The following GUCY1A2 variants were observed in gnomAD, a reference collection of about 807,000 sequenced individuals.
The protein encoded by GUCY1A2 is guanylate cyclase soluble subunit alpha-2.
GUCY1A2 carries 27 observed loss-of-function variants against 63.5 expected under a neutral mutation model. That is an observed-to-expected ratio of 0.43 (90% CI 0.31 to 0.59). The LOEUF is 0.59. Ranked by LOEUF, GUCY1A2 falls within the 20% of genes least tolerant of loss-of-function variation. GUCY1A2 has a pLI of 0.11. For missense variants in GUCY1A2, 768 were observed against 913.3 expected (o/e 0.84, Z 2.05); for synonymous variants, 364 against 343.5 (o/e 1.06, Z -0.66).
At chr11:106,836,404 T>C (rs1470130157) in intron 4 of GUCY1A2, among the ~76,000 whole-genome samples, 2 of 152,010 alleles carry the variant, frequency 1.3e-5, no homozygotes, top group Non-Finnish European at 2.9e-5. Flanking sequence ...TATTTATCAA[T>C]ACCATAAGTT....
chr11:106,970,288 T>C (rs1047168691), intron 3 of GUCY1A2, among the ~76,000 whole-genome samples: 2 of 152,208 alleles, frequency 1.3e-5, no homozygotes, highest in African/African-American at 4.8e-5. Context: ...GAATAAATGC[T>C]GAATAACTTC....
intron 3 of GUCY1A2, among the ~76,000 whole-genome samples, chr11:106,946,674 C>T (rs977153082): frequency 3.3e-5 from 5 of 152,004 alleles, no homozygotes; most frequent in East Asian, 1.9e-4. Context: ...ACCTAAGAGA[C>T]ATAAACCAAG....
chr11:106,734,089 A>T (rs1197519403), intron 6 of GUCY1A2, among the ~76,000 whole-genome samples: 2 of 152,182 alleles, frequency 1.3e-5, no homozygotes, highest in African/African-American at 2.4e-5. Context: ...GCAAAGAAGA[A>T]AGAATGATTT....
At chr11:106,770,658 C>G (rs1013324886) in intron 6 of GUCY1A2, among the ~76,000 whole-genome samples, 3 of 151,232 alleles carry the variant, frequency 2.0e-5, no homozygotes, top group South Asian at 4.2e-4. Flanking sequence ...AAAGTTGAAG[C>G]TAAAAATTAA....
chr11:106,778,469 C>A (rs1396904432), intron 5 of GUCY1A2, among the ~76,000 whole-genome samples: 3 of 152,098 alleles, frequency 2.0e-5, no homozygotes, highest in Non-Finnish European at 4.4e-5. Context: ...ACCATCCTGG[C>A]TAACACGGTG....
At chr11:106,713,576 A>G (rs1365417512) in intron 6 of GUCY1A2, among the ~76,000 whole-genome samples, 5 of 130,492 alleles carry the variant, frequency 3.8e-5, no homozygotes, top group Non-Finnish European at 7.6e-5. Flanking sequence ...GCGCGATCTC[A>G]GCTCACTGCA....
At chr11:106,779,618 CCAT>C (rs1864423162) in intron 5 of GUCY1A2, among the ~76,000 whole-genome samples, 1 of 151,592 alleles carries the variant, frequency 6.6e-6, no homozygotes, top group African/African-American at 2.4e-5. Flanking sequence ...ATGTCTATCA[CCAT>C]CATCATCCTC....
At chr11:106,930,598 A>G (rs1860587540) in intron 4 of GUCY1A2, among the ~76,000 whole-genome samples, 1 of 152,242 alleles carries the variant, frequency 6.6e-6, no homozygotes, top group South Asian at 2.1e-4. Flanking sequence ...AAAAAGAAAG[A>G]TGCTGTAGCT....
At chr11:107,010,650 C>T (rs1158061845) in intron 1 of GUCY1A2, among the ~76,000 whole-genome samples, 1 of 151,396 alleles carries the variant, frequency 6.6e-6, no homozygotes, top group Non-Finnish European at 1.5e-5. Flanking sequence ...AAATATACCA[C>T]CAAAAAAAAA....
rs191693531 is a variant in GUCY1A2, at chr11:106,805,449, T to C, written c.1692+4544A>G. Among the ~76,000 whole-genome samples the C allele has an allele frequency of 5.7e-3, 871 of 152,172 alleles. 4 individuals are homozygous for C. The highest frequency in any genetic ancestry group is 7.5e-3 in the Non-Finnish European group (507 of 68,010). The stretch of plus-strand genomic sequence containing the variant: ...TTAGTAGAGACAGCGTTTCACCAGG[T>C]TGGCCAGGCTGGTCTCGAACTCCTG... On this transcript the variant is annotated intron_variant, in intron 5 of 7. Transcript: ENST00000526355.
Position 106,939,782 on chromosome 11 carries a change from T to G in GUCY1A2, c.884A>C (p.Glu295Ala). 2 of 1,614,034 alleles carry G rather than the reference T, an allele frequency of 1.2e-6. No individual in the cohort carries two copies. Among genetic ancestry groups the G allele is most frequent in the Non-Finnish European group, 1.7e-6 (2 of 1,179,896 alleles). ...CTTCATGATATTAGTATTTTCACAT[T>G]CTTTGATAAGGAAAGTAAGACAGCT... ...NCSCLTFLIK[E>A]CENTNIMKNL... Residue 295 changes from glutamate to alanine, a missense_variant, in exon 4 of 8, where the codon GAA becomes GCA. Coordinates refer to ENST00000526355, the MANE Select transcript of GUCY1A2 (RefSeq NM_000855.3).
At position 106,684,811 on chromosome 11, in the gene GUCY1A2, G is replaced by A. The variant is rs1395972312; in HGVS notation, c.*2738C>T. ...TATCTGCCATACTAAAATGCATGCT[G>A]TTGGTAATAGTTTGTAAGTAAGTGA... On this transcript the variant is annotated 3_prime_UTR_variant, in exon 8 of 8. Coordinates refer to ENST00000526355, the MANE Select transcript of GUCY1A2 (RefSeq NM_000855.3). The A allele has an allele frequency of 1.9e-5, 4 of 209,670 alleles. No individual in the cohort carries two copies. Among genetic ancestry groups the A allele is most frequent in the African/African-American group, 9.1e-5 (4 of 44,000 alleles). The allele number at this position is 209,670 out of a possible 1,614,324, so 13.0% of individuals were successfully genotyped here.
intron 4 of GUCY1A2, among the ~76,000 whole-genome samples, chr11:106,913,142 T>A (rs1228561038): frequency 1.4e-5 from 2 of 141,864 alleles, no homozygotes; most frequent in African/African-American, 5.2e-5. Flanking sequence ...TATATATATA[T>A]AAAAGCAATC....
At chr11:106,690,508 T>C (rs755995801) in intron 7 of GUCY1A2, among the ~76,000 whole-genome samples, 5 of 151,974 alleles carry the variant, frequency 3.3e-5, no homozygotes, top group East Asian at 1.9e-4. Flanking sequence ...ACAACACACA[T>C]TGGAGCCTTT....
intron 4 of GUCY1A2, among the ~76,000 whole-genome samples, chr11:106,923,682 C>T (rs898160125): frequency 6.6e-6 from 1 of 151,682 alleles, no homozygotes; most frequent in Admixed American, 6.6e-5. Flanking sequence ...GGGATGGTAA[C>T]AATATATGAA....
chr11:106,794,139 C>G (rs1390089890), intron 5 of GUCY1A2, among the ~76,000 whole-genome samples: 1 of 151,998 alleles, frequency 6.6e-6, no homozygotes, highest in Non-Finnish European at 1.5e-5. Flanking sequence ...TACACACACA[C>G]ACAGATGTAT....
intron 4 of GUCY1A2, among the ~76,000 whole-genome samples, chr11:106,924,898 AG>A (rs1411030232): frequency 1.3e-5 from 2 of 151,994 alleles, no homozygotes; most frequent in Non-Finnish European, 2.9e-5. Flanking sequence ...GCAGCTACTG[AG>A]GAGCCTGAGG....
intron 4 of GUCY1A2, chr11:106,936,680 C>G: frequency 5.2e-6 from 8 of 1,532,494 alleles, no homozygotes; most frequent in Non-Finnish European, 7.0e-6. Context: ...CCACTGATAA[C>G]TGCGTCAGAT....
intron 4 of GUCY1A2, among the ~76,000 whole-genome samples, chr11:106,873,147 A>AT (rs1565316495): frequency 6.6e-6 from 1 of 152,052 alleles, no homozygotes; most frequent in African/African-American, 2.4e-5. Context: ...TATGTACCAC[A>AT]TTTTCTTTAT....
Sources: allele counts gnomAD v4.1 joint callset (sites outside exome capture counted in the v4.1 genomes callset), GRCh38; gene constraint gnomAD v4.1.1; transcripts MANE v1.5; gene names NCBI Gene and HGNC (gene_info 2026-07-23, HGNC 2026-07-21).